Variants in SNU13 observed in about 807,000 individuals in gnomAD.
SNU13 encodes small nuclear ribonucleoprotein 13.
Under a neutral mutation model 12.4 loss-of-function variants are expected in SNU13, and 2 were observed. That is an observed-to-expected ratio of 0.16 (90% confidence interval 0.07 to 0.51). SNU13 has a LOEUF of 0.51. Ranked by LOEUF, SNU13 falls within the 20% of genes least tolerant of loss-of-function variation. The pLI is 0.96. For synonymous variants in SNU13, 68 were observed against 66.5 expected (o/e 1.02, Z -0.11); for missense variants, 66 against 157.8 (o/e 0.42, Z 3.12).
At chr22:41,686,793 A>ATT (rs1195664144) in intron 1 of SNU13, among the ~76,000 whole-genome samples, 3 of 145,936 alleles carry the variant, frequency 2.1e-5, no homozygotes, top group Admixed American at 6.9e-5. Flanking sequence ...CGCCTGGCTA[A>ATT]TTTTTGTATT....
At chr22:41,677,341 T>C (rs990843008) in intron 2 of SNU13, among the ~76,000 whole-genome samples, 3 of 151,908 alleles carry the variant, frequency 2.0e-5, no homozygotes, top group South Asian at 2.1e-4. Context: ...CTGGGCAACA[T>C]GGCAAAACCC....
chr22:41,676,145 T>TA (rs1174824188), intron 2 of SNU13, among the ~76,000 whole-genome samples: 1 of 152,150 alleles, frequency 6.6e-6, no homozygotes, highest in East Asian at 1.9e-4. Context: ...ATATTAATAA[T>TA]ATAGTATTTC....
At position 41,688,859 on chromosome 22, in the gene SNU13, C is replaced by A; in HGVS notation, c.-63G>T. On this transcript the variant is annotated 5_prime_UTR_variant, in exon 1 of 3. Coordinates refer to ENST00000401959, the MANE Select transcript of SNU13 (RefSeq NM_001003796.2). ...GCAGCTGACGTTTCAGAAGCACTCG[C>A]GTGCACCGGAAAAACTCACAGAAGC... 6.5e-7 allele frequency: 1 copy of A among 1,533,914 alleles called. No individual in the cohort carries two copies. The highest frequency in any genetic ancestry group is 1.4e-5 in the African/African-American group (1 of 73,108).
intron 1 of SNU13, among the ~76,000 whole-genome samples, 158 bp downstream of exon 1, chr22:41,688,636 C>A (rs1477971783): frequency 6.6e-6 from 1 of 152,166 alleles, no homozygotes; most frequent in Non-Finnish European, 1.5e-5. Context: ...CTGCTGGGAC[C>A]CCGCCGCTGC....
chr22:41,680,733 T>G (rs2068256811), intron 1 of SNU13, among the ~76,000 whole-genome samples: 1 of 152,244 alleles, frequency 6.6e-6, no homozygotes, highest in Non-Finnish European at 1.5e-5. Context: ...CTTGCTCTGT[T>G]GCCCACGCTG....
intron 1 of SNU13, among the ~76,000 whole-genome samples, chr22:41,683,776 TC>T (rs2147139397): frequency 6.6e-6 from 1 of 152,300 alleles, no homozygotes; most frequent in Admixed American, 6.5e-5. Flanking sequence ...AGTGACTAAT[TC>T]CCCAAAACTT....
In SNU13 at chr22:41,675,654, T is replaced by G. The variant is rs565366032; in HGVS notation, c.125-459A>C. The stretch of plus-strand genomic sequence containing the variant: ...CCAGGCTGGTCTCAAACTCCTGACC[T>G]CAAGTGATCCACCCACCTCGGCCTC... On this transcript the variant is annotated intron_variant, in intron 2 of 2. Coordinates refer to ENST00000401959, the MANE Select transcript of SNU13 (RefSeq NM_001003796.2). 2.0e-5 allele frequency among the ~76,000 whole-genome samples: 3 copies of G among 151,650 alleles called. No individual in the cohort carries two copies. In the East Asian group the frequency reaches 5.8e-4, roughly 29 times the overall value.
chr22:41,688,780 G>C lies in SNU13; in HGVS notation c.3+14C>G. On this transcript the variant is annotated intron_variant, in intron 1 of 2. Transcript: ENST00000401959. ...CTCCCGCTTCCCGGTCCCTCGGCCGGCGCACGCACTCACCATGGCTGCGGT... is the reference window on the plus strand; with the variant it reads ...CTCCCGCTTCCCGGTCCCTCGGCCGCCGCACGCACTCACCATGGCTGCGGT... 6.2e-7 allele frequency: 1 copy of C among 1,601,350 alleles called. No homozygotes were observed. Among genetic ancestry groups the C allele is most frequent in the Non-Finnish European group, 8.5e-7 (1 of 1,170,770 alleles).
At position 41,674,654 on chromosome 22, in the gene SNU13, C is replaced by A; in HGVS notation, c.*279G>T. On this transcript the variant is annotated 3_prime_UTR_variant, in exon 3 of 3. Transcript: ENST00000401959. ...ATCAGCTTTCTCCTGGCTCTTTCTG[C>A]CTTTCAACGGTGCCACCACCCTGCT... is the stretch of plus-strand genomic sequence containing the variant. 2.6e-6 allele frequency: 1 copy of A among 389,204 alleles called. No homozygotes were observed. Among genetic ancestry groups the A allele is most frequent in the South Asian group, 3.0e-5 (1 of 33,896 alleles). 24.1% of individuals were successfully genotyped at this position (389,204 alleles called of 1,614,324 possible). A position where few individuals can be genotyped will look rare whatever the true frequency, so the allele number is the denominator to read the frequency against.
At chr22:41,689,084 G>A, upstream of SNU13, 1 of 1,153,744 alleles carries the variant, frequency 8.7e-7, no homozygotes, top group East Asian at 4.3e-5. Context: ...CCCACCGGCC[G>A]GCCGCAGCGG....
At chr22:41,687,595 T>A (rs545710963) in intron 1 of SNU13, 3 of 152,306 alleles carry the variant, frequency 2.0e-5, no homozygotes, top group African/African-American at 7.2e-5. Context: ...GTTAAATAAA[T>A]TAACGAATGA....
chr22:41,676,849 T>C (rs146129261), intron 2 of SNU13, among the ~76,000 whole-genome samples: 2,482 of 152,310 alleles, frequency 0.016, 48 homozygotes, highest in Admixed American at 0.059. Flanking sequence ...TTCATCCATA[T>C]TGGGTACTGT....
intron 1 of SNU13, chr22:41,688,391 G>A (rs547184407): frequency 5.9e-6 from 1 of 169,914 alleles, no homozygotes; most frequent in African/African-American, 2.4e-5. Flanking sequence ...CCGAATCCCA[G>A]GGTCCCACGC....
intron 1 of SNU13, among the ~76,000 whole-genome samples, chr22:41,683,266 T>G (rs1396267950): frequency 6.6e-6 from 1 of 152,090 alleles, no homozygotes; most frequent in Non-Finnish European, 1.5e-5. Flanking sequence ...TCCCAAAGTG[T>G]TGGGATTACA....
At position 41,688,835 on chromosome 22, in the gene SNU13, C is replaced by T; in HGVS notation, c.-39G>A. The T allele has an allele frequency of 6.4e-7, 1 of 1,568,780 alleles. No homozygotes were observed. The highest frequency in any genetic ancestry group is 8.7e-7 in the Non-Finnish European group (1 of 1,148,630). ...CGGGCTCAGCACTCCTAGGGGAGCG[C>T]AGCTGACGTTTCAGAAGCACTCGCG... is the stretch of plus-strand genomic sequence containing the variant. On this transcript the variant is annotated 5_prime_UTR_variant, in exon 1 of 3. Coordinates refer to ENST00000401959, the MANE Select transcript of SNU13 (RefSeq NM_001003796.2).
At chr22:41,676,531 CT>C (rs35474083) in intron 2 of SNU13, among the ~76,000 whole-genome samples, 92,202 of 148,266 alleles carry the variant, frequency 0.62, 31,445 homozygotes, top group East Asian at 0.91. Context: ...TAACCTAATT[CT>C]TTTTTTTTTT....
chr22:41,689,641 C>T (rs1166273351), upstream of SNU13, among the ~76,000 whole-genome samples: 1 of 149,502 alleles, frequency 6.7e-6, no homozygotes, highest in Non-Finnish European at 1.5e-5. Context: ...ACACTGCACT[C>T]CAGCCTGGGC....
In SNU13 at chr22:41,681,988, CTCTT is replaced by C. The variant is rs200553083; in HGVS notation, c.4-1628_4-1625del. On this transcript the variant is annotated intron_variant, in intron 1 of 2. Transcript: ENST00000401959. The stretch of plus-strand genomic sequence containing the variant: ...CAGTAAATCATTTTCATTAATTTTT[CTCTT>C]TTTTTTTTTGTTTTTACAAACACAT... Among the ~76,000 whole-genome samples the C allele has an allele frequency of 4.6e-4, 24 of 52,206 alleles. No homozygotes were observed. The East Asian group carries it at 0.017, about 36-fold the overall frequency. 34.2% of individuals were successfully genotyped at this position (52,206 alleles called of 152,430 possible). A position where few individuals can be genotyped will look rare whatever the true frequency, so the allele number is the denominator to read the frequency against.
At chr22:41,678,364 C>T (rs1392983715) in intron 2 of SNU13, among the ~76,000 whole-genome samples, 2 of 152,186 alleles carry the variant, frequency 1.3e-5, no homozygotes, top group African/African-American at 4.8e-5. Context: ...TCATTTTGTT[C>T]ACCAGTGCAT....
Sources: allele counts gnomAD v4.1 joint callset (sites outside exome capture counted in the v4.1 genomes callset), GRCh38; gene constraint gnomAD v4.1.1; transcripts MANE v1.5; gene names NCBI Gene and HGNC (gene_info 2026-07-23, HGNC 2026-07-21).